The following AGAP1 variants were observed in gnomAD, a reference collection of about 807,000 sequenced individuals.
AGAP1 encodes the protein ArfGAP with GTPase domain, ankyrin repeat and PH domain 1.
AGAP1 carries 29 observed loss-of-function variants against 105.3 expected under a neutral mutation model. That is an observed-to-expected ratio of 0.28 (90% CI 0.21 to 0.38). The LOEUF is 0.38. Among genes scored for constraint, AGAP1 ranks in the 10% least tolerant of loss-of-function variants. The pLI is 1.00. For synonymous variants in AGAP1, 509 were observed against 485.9 expected (o/e 1.05, Z -0.63); for missense variants, 998 against 1,165.1 (o/e 0.86, Z 2.09).
chr2:235,654,489 G>T (rs1947710138), intron 1 of AGAP1, among the ~76,000 whole-genome samples: 1 of 152,232 alleles, frequency 6.6e-6, no homozygotes, highest in South Asian at 2.1e-4. Context: ...ATTGAATGAT[G>T]ACAAGAAATA....
rs2149642959 is a variant in AGAP1 at position 235,737,544 on chromosome 2, T to A, written c.311-3419T>A. On this transcript the variant is annotated intron_variant, in intron 3 of 17. Transcript: ENST00000304032. The surrounding 1 kb of genome is among the most constrained non-coding windows in gnomAD (Gnocchi z 4.5). ...CAGTGCCCTCCTAGGGAACCTTTCGTAACTTGAATATTGTGATTCAGCCAC... is the reference window on the plus strand; with the variant it reads ...CAGTGCCCTCCTAGGGAACCTTTCGAAACTTGAATATTGTGATTCAGCCAC... Among the ~76,000 whole-genome samples the A allele has an allele frequency of 6.6e-6, 1 of 152,292 alleles. No homozygotes were observed. Among genetic ancestry groups the A allele is most frequent in the Non-Finnish European group, 1.5e-5 (1 of 68,024 alleles).
Position 236,056,670 on chromosome 2 carries a change from C to G in AGAP1, c.2114+7389C>G, listed in dbSNP as rs1159852215. On this transcript the variant is annotated intron_variant, in intron 16 of 17. Coordinates refer to ENST00000304032, the MANE Select transcript of AGAP1 (RefSeq NM_001037131.3). The surrounding 1 kb of genome is among the most constrained non-coding windows in gnomAD (Gnocchi z 4.6). Reference sequence around the variant, plus strand: ...TGTTTTGCTTATTTTGCACCAGAGACTCTCTGTCTTCTAGTGAACTTTTCT... The same window carrying G: ...TGTTTTGCTTATTTTGCACCAGAGAGTCTCTGTCTTCTAGTGAACTTTTCT... Among the ~76,000 whole-genome samples, 1 of 152,182 alleles carries G rather than the reference C, an allele frequency of 6.6e-6. No individual in the cohort carries two copies. Among genetic ancestry groups the G allele is most frequent in the Non-Finnish European group, 1.5e-5 (1 of 68,040 alleles).
chr2:235,685,256 C>G (rs1332344769), intron 1 of AGAP1, among the ~76,000 whole-genome samples: 4 of 151,942 alleles, frequency 2.6e-5, no homozygotes, highest in Non-Finnish European at 5.9e-5. Flanking sequence ...CCTGTGTGCC[C>G]TGGTGTGTGG....
In AGAP1 at chr2:235,604,572, C is replaced by CTTTTTTTTTTTTTTTTTT. The variant is rs1166523228; in HGVS notation, c.164-104596_164-104579dup. Reference sequence around the variant, plus strand: ...CGTGTTTCTTTTTTATTTTTATTATCTTTTTTTTTTTTTTTTTTTTTTTTT... The same window carrying CTTTTTTTTTTTTTTTTTT: ...CGTGTTTCTTTTTTATTTTTATTATCTTTTTTTTTTTTTTTTTTTTTTTTTTTTTTTTTTTTTTTTTTT... On this transcript the variant is annotated intron_variant, in intron 1 of 17. Coordinates refer to ENST00000304032, the MANE Select transcript of AGAP1 (RefSeq NM_001037131.3). 1.5e-3 allele frequency among the ~76,000 whole-genome samples: 104 copies of CTTTTTTTTTTTTTTTTTT among 69,682 alleles called. 8 individuals carry two copies. Among genetic ancestry groups the CTTTTTTTTTTTTTTTTTT allele is most frequent in the Non-Finnish European group, 2.1e-3 (85 of 40,346 alleles). The allele number at this position is 69,682 out of a possible 152,430, so 45.7% of individuals were successfully genotyped here.
Position 235,931,012 on chromosome 2 carries a change from A to C in AGAP1, c.1483+89A>C. Reference sequence around the variant, plus strand: ...GCTGGACAGGACGCCCTAAGCTCTCATGCTCCTCTGGGAGCGCAGCACCCT... The same window carrying C: ...GCTGGACAGGACGCCCTAAGCTCTCCTGCTCCTCTGGGAGCGCAGCACCCT... On this transcript the variant is annotated intron_variant, in intron 12 of 17. Transcript: ENST00000304032. This position sits in a 1 kb window ranked among gnomAD's most constrained non-coding sequence, Gnocchi z 5.6. The C allele has an allele frequency of 3.7e-4, 541 of 1,460,578 alleles. No homozygotes were observed. Among genetic ancestry groups the C allele is most frequent in the Non-Finnish European group, 4.5e-4 (494 of 1,089,252 alleles). The allele number at this position is 1,460,578 out of a possible 1,614,324, so 90.5% of individuals were successfully genotyped here. A position where few individuals can be genotyped will look rare whatever the true frequency, so the allele number is the denominator to read the frequency against.
intron 16 of AGAP1, among the ~76,000 whole-genome samples, chr2:236,067,795 G>A (rs552748592): frequency 2.0e-5 from 3 of 152,290 alleles, no homozygotes; most frequent in Admixed American, 1.3e-4. Flanking sequence ...GAGGAAGAGC[G>A]AGTGTTTTTC....
chr2:235,590,878 G>A (rs539763954), intron 1 of AGAP1, among the ~76,000 whole-genome samples: 76 of 150,824 alleles, frequency 5.0e-4, no homozygotes, highest in Non-Finnish European at 9.1e-4. Context: ...CTGCCACTAC[G>A]CCCGGCTAAT....
In AGAP1 at chr2:236,055,089, G is replaced by T. The variant is rs1367530792; in HGVS notation, c.2114+5808G>T. Reference sequence around the variant, plus strand: ...ATTACTGTGACCTCCCGCTTGTCAAGGTCCGGGCTGTGCTCTTCTTTCAAT... The same window carrying T: ...ATTACTGTGACCTCCCGCTTGTCAATGTCCGGGCTGTGCTCTTCTTTCAAT... On this transcript the variant is annotated intron_variant, in intron 16 of 17. Coordinates refer to ENST00000304032, the MANE Select transcript of AGAP1 (RefSeq NM_001037131.3). This position sits in a 1 kb window ranked among gnomAD's most constrained non-coding sequence, Gnocchi z 6.2. 6.6e-6 allele frequency among the ~76,000 whole-genome samples: 1 copy of T among 152,200 alleles called. No individual in the cohort carries two copies. Among genetic ancestry groups the T allele is most frequent in the African/African-American group, 2.4e-5 (1 of 41,454 alleles).
Position 236,049,515 on chromosome 2 carries a change from C to A in AGAP1, c.2114+234C>A, listed in dbSNP as rs182460256. 460 of 459,656 alleles carry A rather than the reference C, an allele frequency of 1.0e-3. 2 individuals carry two copies. The highest frequency in any genetic ancestry group is 8.8e-3 in the Middle Eastern group (15 of 1,710). The allele number at this position is 459,656 out of a possible 1,614,324, so 28.5% of individuals were successfully genotyped here. A position where few individuals can be genotyped will look rare whatever the true frequency, so the allele number is the denominator to read the frequency against. ...TTTTAGGCCTGGGGATTTCTCTCCCCCCTCTTAGAAATGTATTAAGCTTCT... is the reference window on the plus strand; with the variant it reads ...TTTTAGGCCTGGGGATTTCTCTCCCACCTCTTAGAAATGTATTAAGCTTCT... On this transcript the variant is annotated intron_variant, in intron 16 of 17. Coordinates refer to ENST00000304032, the MANE Select transcript of AGAP1 (RefSeq NM_001037131.3).
At chr2:235,513,447 G>T (rs1942237646) in intron 1 of AGAP1, among the ~76,000 whole-genome samples, 1 of 146,886 alleles carries the variant, frequency 6.8e-6, no homozygotes, top group Admixed American at 7.0e-5. Context: ...CTTGAACCCA[G>T]GAGGCAGAGG....
intron 1 of AGAP1, among the ~76,000 whole-genome samples, chr2:235,588,169 G>A (rs574402057): frequency 3.5e-4 from 53 of 151,568 alleles, no homozygotes; most frequent in African/African-American, 1.2e-3. Context: ...GGTGGAGGTT[G>A]CAGTGAACCG....
At chr2:236,059,918 C>T (rs1434222013) in intron 16 of AGAP1, among the ~76,000 whole-genome samples, 1 of 152,146 alleles carries the variant, frequency 6.6e-6, no homozygotes, top group Non-Finnish European at 1.5e-5. Flanking sequence ...TGGTGAAACC[C>T]CGTCTCTCCT....
chr2:235,977,550 T>C lies in AGAP1; in HGVS notation c.1645+8927T>C, dbSNP rs1339381135. ...ATGCACGAGGGTGTTTTTCTCGGCC[T>C]CTGCAGCCCTCAGATGTTCCCACGC... On this transcript the variant is annotated intron_variant, in intron 13 of 17. Coordinates refer to ENST00000304032, the MANE Select transcript of AGAP1 (RefSeq NM_001037131.3). The surrounding 1 kb of genome is among the most constrained non-coding windows in gnomAD (Gnocchi z 5.2). 1.3e-5 allele frequency among the ~76,000 whole-genome samples: 2 copies of C among 152,190 alleles called. No individual in the cohort carries two copies. Among genetic ancestry groups the C allele is most frequent in the African/African-American group, 4.8e-5 (2 of 41,442 alleles).
intron 9 of AGAP1, among the ~76,000 whole-genome samples, chr2:235,809,477 G>A (rs191097667): frequency 8.5e-5 from 13 of 152,208 alleles, no homozygotes; most frequent in Admixed American, 1.3e-4. Flanking sequence ...GTGCCCCCGT[G>A]GCCAGCTCTC....
intron 9 of AGAP1, among the ~76,000 whole-genome samples, chr2:235,813,553 T>C (rs1373683170): frequency 6.6e-6 from 1 of 152,198 alleles, no homozygotes; most frequent in Admixed American, 6.5e-5. Flanking sequence ...GTCCCGCAGC[T>C]CAGACCCCTA....
chr2:235,667,820 C>G (rs1948175133), intron 1 of AGAP1, among the ~76,000 whole-genome samples: 1 of 151,732 alleles, frequency 6.6e-6, no homozygotes, highest in Non-Finnish European at 1.5e-5. Context: ...TTAGCCGGGA[C>G]TGGTGGCGCG....
chr2:235,936,691 C>T lies in AGAP1; in HGVS notation c.1483+5768C>T, dbSNP rs1402635658. ...GCAGGCGGCGGTAATGTGATACTGC[C>T]GGTCTCTGACCTGGAAGCTTCTTTG... On this transcript the variant is annotated intron_variant, in intron 12 of 17. Transcript: ENST00000304032. The surrounding 1 kb of genome is among the most constrained non-coding windows in gnomAD (Gnocchi z 4.7). Among the ~76,000 whole-genome samples, 7 of 152,098 alleles carry T rather than the reference C, an allele frequency of 4.6e-5. No individual in the cohort carries two copies. Among genetic ancestry groups the T allele is most frequent in the Non-Finnish European group, 8.8e-5 (6 of 68,030 alleles).
Position 235,845,280 on chromosome 2 carries a change from G to A in AGAP1, c.1050+37949G>A, listed in dbSNP as rs142054330. ...CCAGACCCCTGCACAGGAGTCTAGA[G>A]GCTGAGTCTGTAACTAATCCAGCTC... On this transcript the variant is annotated intron_variant, in intron 9 of 17. Transcript: ENST00000304032. The surrounding 1 kb of genome is among the most constrained non-coding windows in gnomAD (Gnocchi z 4.8). Among the ~76,000 whole-genome samples, 608 of 152,272 alleles carry A rather than the reference G, an allele frequency of 4.0e-3. 2 individuals are homozygous for A. Among genetic ancestry groups the A allele is most frequent in the Non-Finnish European group, 7.0e-3 (474 of 68,020 alleles).
intron 6 of AGAP1, among the ~76,000 whole-genome samples, chr2:235,784,607 A>G (rs938892153): frequency 5.9e-5 from 9 of 151,796 alleles, no homozygotes; most frequent in Admixed American, 2.0e-4. Flanking sequence ...GCAAAAAAAA[A>G]AAAAAAAAAC....
Sources: gnomAD v4.1 joint callset for allele counts (sites outside exome capture counted in the v4.1 genomes callset) on GRCh38, gnomAD v4.1.1 for gene constraint, Gnocchi (gnomAD v3.1) non-coding constraint, MANE v1.5 for transcripts, NCBI Gene and HGNC (gene_info 2026-07-23, HGNC 2026-07-21) for gene names.